TFAP2A: variants seen among roughly 807,000 people sequenced by gnomAD.
TFAP2A encodes transcription factor AP-2 alpha.
Under a neutral mutation model 41.5 loss-of-function variants are expected in TFAP2A, and 7 were observed. The ratio of observed to expected loss-of-function variants is 0.17; its 90% CI spans 0.10 to 0.32. The LOEUF (loss-of-function observed/expected upper bound fraction) is 0.32, where lower values mean the gene tolerates loss of function less well. TFAP2A is among the 10% of genes least tolerant of loss of function. The probability of loss-of-function intolerance (pLI) is 1.00; values close to 1 mark genes in which losing one functional copy is unlikely to be tolerated. For synonymous variants in TFAP2A, 247 were observed against 242.8 expected (o/e 1.02, Z -0.16); for missense variants, 416 against 563.3 (o/e 0.74, Z 2.65).
At chr6:10,400,412 C>T (rs1554110953) in intron 6 of TFAP2A, 36 bp downstream of exon 6, 16 of 1,613,858 alleles carry the variant, frequency 9.9e-6, no homozygotes, top group African/African-American at 2.7e-5. Context: ...CTCTTGACAA[C>T]GAGACACAGA....
intron 2 of TFAP2A, among the ~76,000 whole-genome samples, chr6:10,408,117 A>G (rs990012315): frequency 6.6e-6 from 1 of 152,232 alleles, no homozygotes; most frequent in Non-Finnish European, 1.5e-5. Context: ...ATGATTAAAT[A>G]ATTTTCACCA....
rs906352435 is a variant in TFAP2A at position 10,402,322 on chromosome 6, C to A, written c.889+170G>T. On this transcript the variant is annotated intron_variant, in intron 5 of 6. Transcript: ENST00000379613. ...GAAGAAGGATGGAGGTATAGGAGTA[C>A]ATGCAAATGTTTCTTTTTGCCATGA... The A allele has an allele frequency of 3.8e-5, 27 of 708,190 alleles. No homozygotes were observed. In the Admixed American group the frequency reaches 5.0e-4, roughly 13 times the overall value. The allele number at this position is 708,190 out of a possible 1,614,324, so 43.9% of individuals were successfully genotyped here.
In TFAP2A at chr6:10,404,733, A is replaced by G; in HGVS notation, c.545T>C (p.Val182Ala). 1 of 1,614,108 alleles carries G rather than the reference A, an allele frequency of 6.2e-7. No individual in the cohort carries two copies. The highest frequency in any genetic ancestry group is 8.5e-7 in the Non-Finnish European group (1 of 1,179,960). The change falls in exon 4 of 7, where the codon GTG becomes GCG. Residue 182 changes from valine (V) to alanine (A), a missense_variant. Val to Ala is a moderately conservative substitution (Grantham distance 64). Coordinates refer to ENST00000379613, the MANE Select transcript of TFAP2A (RefSeq NM_001372066.1). ...PDQTVIKKGP[V>A]SLSKSNSNAV... ...ATTGCTGTTGGACTTGGACAGGGAC[A>G]CGGGGCCTGCGGAGACAGAGGGGAG...
At chr6:10,407,767 C>T (rs1757785580) in intron 2 of TFAP2A, 1 of 152,216 alleles carries the variant, frequency 6.6e-6, no homozygotes, top group African/African-American at 2.4e-5. Context: ...ATTTTCCATT[C>T]TGTCTTGGAT....
At chr6:10,419,586 C>T (rs143945720), upstream of TFAP2A, 1,754 of 1,177,770 alleles carry the variant, frequency 1.5e-3, 18 homozygotes, top group Admixed American at 0.023. Context: ...TCATAAAGAG[C>T]TGGGTTGCTA....
Position 10,411,562 on chromosome 6 carries a change from G to A in TFAP2A, c.52-1227C>T. 4 of 1,614,022 alleles carry A rather than the reference G, an allele frequency of 2.5e-6. No homozygotes were observed. In the South Asian group the frequency reaches 3.3e-5, roughly 13 times the overall value. On this transcript the variant is annotated intron_variant, in intron 1 of 6. Coordinates refer to ENST00000379613, the MANE Select transcript of TFAP2A (RefSeq NM_001372066.1). ...AGAAACAGCAACGGGGGTGGGGATG[G>A]GACTCACCATGGCTGAAAAACTGTG...
intron 3 of TFAP2A, chr6:10,405,106 G>A (rs1259027830): frequency 3.5e-6 from 1 of 289,740 alleles, no homozygotes; most frequent in Non-Finnish European, 6.5e-6. Flanking sequence ...AGGACCACGG[G>A]TTCAGGGTGC....
At chr6:10,403,567 A>G (rs954133328) in intron 4 of TFAP2A, among the ~76,000 whole-genome samples, 6 of 152,242 alleles carry the variant, frequency 3.9e-5, no homozygotes, top group African/African-American at 1.2e-4. Flanking sequence ...AAGTAAATGA[A>G]TAACAGTCAA....
intron 4 of TFAP2A, 25 bp downstream of exon 4, chr6:10,404,483 C>CG (rs1554111698): frequency 2.0e-6 from 3 of 1,482,654 alleles, no homozygotes; most frequent in Non-Finnish European, 2.7e-6. Context: ...CGGGGCGGGG[C>CG]GGGCGGGGCC....
At chr6:10,406,556 A>G (rs1757721981) in intron 3 of TFAP2A, 1 of 565,058 alleles carries the variant, frequency 1.8e-6, no homozygotes, top group Non-Finnish European at 3.2e-6. Context: ...TGTTTGTCCA[A>G]ATATCATTAA....
intron 1 of TFAP2A, chr6:10,412,124 C>T: frequency 1.0e-6 from 1 of 995,540 alleles, no homozygotes; most frequent in Non-Finnish European, 1.2e-6. Context: ...CCGGAGCCGG[C>T]TCTCAATGCA....
chr6:10,407,200 G>T, intron 2 of TFAP2A: 1 of 299,092 alleles, frequency 3.3e-6, no homozygotes, highest in South Asian at 3.6e-5. Flanking sequence ...TGGCGCCTCA[G>T]CGGCTTCTGA....
intron 3 of TFAP2A, chr6:10,405,681 G>A (rs1757680773): frequency 6.6e-6 from 1 of 152,126 alleles, no homozygotes; most frequent in Non-Finnish European, 1.5e-5. Context: ...TTTAAGTACA[G>A]TATGCATTGT....
rs1215190646 is a variant in TFAP2A at position 10,398,203 on chromosome 6, C to A, written c.*214G>T. 2.1e-6 allele frequency: 3 copies of A among 1,457,598 alleles called. No individual in the cohort carries two copies. The highest frequency in any genetic ancestry group is 5.0e-5 in the East Asian group (2 of 40,082). 90.3% of individuals were successfully genotyped at this position (1,457,598 alleles called of 1,614,324 possible). ...GTGGGAGCGGGTGGGGAGGTCGAGGCGGGTGCAGAGTCGGAGAGGCTGCCC... is the reference window on the plus strand; with the variant it reads ...GTGGGAGCGGGTGGGGAGGTCGAGGAGGGTGCAGAGTCGGAGAGGCTGCCC... On this transcript the variant is annotated 3_prime_UTR_variant, in exon 7 of 7. Coordinates refer to ENST00000379613, the MANE Select transcript of TFAP2A (RefSeq NM_001372066.1). The surrounding 1 kb of genome is among the most constrained non-coding windows in gnomAD (Gnocchi z 5.3).
chr6:10,399,918 C>CTG (rs1257882692), intron 6 of TFAP2A, among the ~76,000 whole-genome samples: 32 of 150,104 alleles, frequency 2.1e-4, no homozygotes, highest in Middle Eastern at 3.4e-3. Flanking sequence ...CTCTCTCTCT[C>CTG]TCTGTCTGTG....
At position 10,400,514 on chromosome 6, in the gene TFAP2A, A is replaced by C. The variant is rs1347573125; in HGVS notation, c.965T>G (p.Phe322Cys). 1.2e-6 allele frequency: 2 copies of C among 1,614,046 alleles called. No individual in the cohort carries two copies. Among genetic ancestry groups the C allele is most frequent in the Non-Finnish European group, 1.7e-6 (2 of 1,180,038 alleles). Residue 322 changes from phenylalanine (F) to cysteine (C), a missense_variant, in exon 6 of 7, where the codon TTT (phenylalanine) becomes TGT (cysteine). Physicochemically the swap from Phe to Cys is radical, Grantham distance 205. Transcript: ENST00000379613. ...GGGATCGGAATGTTGTCGGTTGAGA[A>C]ATTCAGCTACTGCTTTGGCAGGAAA... ...TEFPAKAVAE[F>C]LNRQHSDPNE... is the part of the protein sequence containing the mutation.
chr6:10,404,589 T>C lies in TFAP2A; in HGVS notation c.689A>G (p.Lys230Arg). 1 of 1,614,060 alleles carries C rather than the reference T, an allele frequency of 6.2e-7. No individual in the cohort carries two copies. The highest frequency in any genetic ancestry group is 8.5e-7 in the Non-Finnish European group (1 of 1,179,974). Residue 230 changes from lysine (K) to arginine (R), a missense_variant, in exon 4 of 7, where the codon AAG (lysine) becomes AGG (arginine). Around this residue, in one of 3 missense-constraint regions of TFAP2A, gnomAD observed 59 missense variants for 135.4 expected, o/e 0.44. Coordinates refer to ENST00000379613, the MANE Select transcript of TFAP2A (RefSeq NM_001372066.1). ...CCGCTGCACTTCCGCCACCGTGACC[T>C]TGTACTTCGAGGTGGAGCTGAGGAG... ...LSLLSSTSKYKVTVAEVQRRL... is the reference protein window; with the variant it reads ...LSLLSSTSKYRVTVAEVQRRL...
At position 10,404,536 on chromosome 6, in the gene TFAP2A, C is replaced by T; in HGVS notation, c.742G>A (p.Ala248Thr). 3.7e-6 allele frequency: 6 copies of T among 1,612,718 alleles called. No homozygotes were observed. Among genetic ancestry groups the T allele is most frequent in the Non-Finnish European group, 5.1e-6 (6 of 1,179,482 alleles). Residue 248 changes from alanine (A) to threonine (T), a missense_variant, in exon 4 of 7, where the codon GCG (alanine) becomes ACG (threonine). Transcript: ENST00000379613. ...RRLSPPECLN[A>T]SLLGGVLRRA... ...CGGAGCACTCCGCCCAGCAGCGACG[C>T]GTTGAGACACTCGGGTGGTGAGAGC... is the stretch of plus-strand genomic sequence containing the variant.
At chr6:10,419,489 A>G (rs371444949), upstream of TFAP2A, 6 of 1,612,920 alleles carry the variant, frequency 3.7e-6, no homozygotes, top group Non-Finnish European at 4.2e-6. Flanking sequence ...CCCGCCGGGC[A>G]TGGGCTGGAG....
Sources: allele counts gnomAD v4.1 joint callset (sites outside exome capture counted in the v4.1 genomes callset), GRCh38; gene constraint gnomAD v4.1.1; regional missense constraint gnomAD v4.1.1; non-coding constraint Gnocchi (gnomAD v3.1); transcripts MANE v1.5; gene names NCBI Gene and HGNC (gene_info 2026-07-23, HGNC 2026-07-21).